The following LHFPL2 variants were observed in gnomAD, a reference collection of about 807,000 sequenced individuals.
The protein encoded by LHFPL2 is LHFPL tetraspan subfamily member 2 protein.
In LHFPL2, 7 loss-of-function variants were observed where a neutral mutation model predicts 17.5. The ratio of observed to expected loss-of-function variants is 0.40; its 90% CI spans 0.23 to 0.75. LHFPL2 has a LOEUF of 0.75. LHFPL2 is among the 30% of genes least tolerant of loss of function. The pLI, the probability that LHFPL2 is intolerant of heterozygous loss-of-function variation, is 0.37. For missense variants in LHFPL2, 241 were observed against 294.8 expected (o/e 0.82, Z 1.34); for synonymous variants, 134 against 116.2 (o/e 1.15, Z -0.99).
At chr5:78,539,245 C>T (rs1756036084) in intron 3 of LHFPL2, among the ~76,000 whole-genome samples, 1 of 152,190 alleles carries the variant, frequency 6.6e-6, no homozygotes, top group African/African-American at 2.4e-5. Flanking sequence ...GCAGCCCTCA[C>T]CCGACACCAC....
intron 2 of LHFPL2, chr5:78,625,268 A>G (rs1170084038): frequency 2.0e-5 from 3 of 152,170 alleles, no homozygotes; most frequent in Non-Finnish European, 4.4e-5. Flanking sequence ...GATGAGCTCC[A>G]AGTCACACAT....
At chr5:78,494,765 G>T (rs142128942) in intron 4 of LHFPL2, among the ~76,000 whole-genome samples, 117 of 152,346 alleles carry the variant, frequency 7.7e-4, no homozygotes, top group Middle Eastern at 6.8e-3. Flanking sequence ...ATCTACCCGT[G>T]CAAGAATCTT....
intron 4 of LHFPL2, among the ~76,000 whole-genome samples, chr5:78,500,158 C>A (rs911575807): frequency 8.5e-5 from 13 of 152,128 alleles, no homozygotes; most frequent in Non-Finnish European, 1.6e-4. Flanking sequence ...TAAAAAAACA[C>A]ATCCAAGAAA....
intron 3 of LHFPL2, among the ~76,000 whole-genome samples, chr5:78,538,098 T>C (rs1181233060): frequency 6.6e-6 from 1 of 152,234 alleles, no homozygotes. Flanking sequence ...CTCAGCCATC[T>C]GCAACTCCTG....
At chr5:78,596,458 T>C (rs1244797770) in intron 2 of LHFPL2, among the ~76,000 whole-genome samples, 1 of 152,254 alleles carries the variant, frequency 6.6e-6, no homozygotes, top group African/African-American at 2.4e-5. Flanking sequence ...ATATTTTTCA[T>C]GAGTCTCACA....
At chr5:78,645,181 C>T (rs1341659970) in intron 1 of LHFPL2, among the ~76,000 whole-genome samples, 1 of 152,024 alleles carries the variant, frequency 6.6e-6, no homozygotes, top group African/African-American at 2.4e-5. Flanking sequence ...CATTCCAGTA[C>T]AGCTCTTCTG....
chr5:78,608,868 C>T (rs1027936959), intron 2 of LHFPL2, among the ~76,000 whole-genome samples: 3 of 149,922 alleles, frequency 2.0e-5, no homozygotes, highest in Non-Finnish European at 3.0e-5. Flanking sequence ...GGAGGTGGAG[C>T]TTGCAGTGAG....
At chr5:78,512,729 T>C (rs1450894472) in intron 3 of LHFPL2, among the ~76,000 whole-genome samples, 1 of 151,558 alleles carries the variant, frequency 6.6e-6, no homozygotes, top group African/African-American at 2.4e-5. Context: ...ACAATCTCTT[T>C]CCCATCCCTT....
At chr5:78,492,672 G>GGAGACTCTTGCTGTTGT (rs1754483434) in intron 4 of LHFPL2, among the ~76,000 whole-genome samples, 1 of 152,082 alleles carries the variant, frequency 6.6e-6, no homozygotes, top group African/African-American at 2.4e-5. Flanking sequence ...AAGTAAAGCA[G>GGAGACTCTTGCTGTTGT]GGAGACTCTT....
chr5:78,645,565 C>T (rs975258716), intron 1 of LHFPL2, among the ~76,000 whole-genome samples: 3 of 151,298 alleles, frequency 2.0e-5, no homozygotes, highest in Non-Finnish European at 2.9e-5. Context: ...CACACACACA[C>T]ACACACACAC....
intron 3 of LHFPL2, among the ~76,000 whole-genome samples, chr5:78,525,500 G>GA (rs1755595635): frequency 6.6e-6 from 1 of 152,148 alleles, no homozygotes; most frequent in Non-Finnish European, 1.5e-5. Context: ...TAATAAGAAC[G>GA]AATGCCCACA....
intron 1 of LHFPL2, among the ~76,000 whole-genome samples, chr5:78,638,758 T>C (rs983753811): frequency 6.6e-6 from 1 of 152,080 alleles, no homozygotes; most frequent in African/African-American, 2.4e-5. Context: ...GCTGCATGTA[T>C]CAAAGAATGA....
intron 3 of LHFPL2, among the ~76,000 whole-genome samples, chr5:78,555,640 G>T (rs996378839): frequency 3.9e-5 from 6 of 152,220 alleles, no homozygotes; most frequent in African/African-American, 1.4e-4. Context: ...TCACTTGGGG[G>T]CATGCTAAAT....
intron 4 of LHFPL2, among the ~76,000 whole-genome samples, chr5:78,499,200 T>C (rs1754697354): frequency 6.6e-6 from 1 of 152,190 alleles, no homozygotes; most frequent in Admixed American, 6.5e-5. Flanking sequence ...CTCCCCCAAA[T>C]TTATAATATA....
At chr5:78,526,139 C>T (rs1755616573) in intron 3 of LHFPL2, among the ~76,000 whole-genome samples, 1 of 152,062 alleles carries the variant, frequency 6.6e-6, no homozygotes, top group Admixed American at 6.5e-5. Context: ...GCCCTGGCCC[C>T]CGCCACCACT....
intron 3 of LHFPL2, among the ~76,000 whole-genome samples, chr5:78,552,778 A>C (rs1756481594): frequency 6.6e-6 from 1 of 152,270 alleles, no homozygotes; most frequent in African/African-American, 2.4e-5. Context: ...AATATATGGC[A>C]AATAAACAAT....
chr5:78,495,914 T>C (rs1406564598), intron 4 of LHFPL2, among the ~76,000 whole-genome samples: 1 of 152,178 alleles, frequency 6.6e-6, no homozygotes, highest in Non-Finnish European at 1.5e-5. Flanking sequence ...CTGGTCACAC[T>C]ACACACATCA....
chr5:78,647,973 A>G (rs140899075), intron 1 of LHFPL2, among the ~76,000 whole-genome samples: 305 of 152,158 alleles, frequency 2.0e-3, no homozygotes, highest in African/African-American at 6.9e-3. Flanking sequence ...CGCACCCCAA[A>G]TCACTGAGCT....
chr5:78,610,092 G>A (rs1451727953), intron 2 of LHFPL2, among the ~76,000 whole-genome samples: 1 of 152,082 alleles, frequency 6.6e-6, no homozygotes, highest in Non-Finnish European at 1.5e-5. Flanking sequence ...GCCAGGAGAT[G>A]AGCTGGGCAT....
Sources: gnomAD v4.1 joint callset for allele counts (sites outside exome capture counted in the v4.1 genomes callset) on GRCh38, gnomAD v4.1.1 for gene constraint, MANE v1.5 for transcripts, NCBI Gene and HGNC (gene_info 2026-07-23, HGNC 2026-07-21) for gene names.